Variants in PLXDC2 observed in about 807,000 individuals in gnomAD.
PLXDC2 encodes the protein plexin domain containing 2, also known as plexin domain-containing protein 2.
Under a neutral mutation model 68.9 loss-of-function variants are expected in PLXDC2, and 40 were observed. That is an observed-to-expected ratio of 0.58 (90% CI 0.45 to 0.76). The LOEUF (loss-of-function observed/expected upper bound fraction) is 0.76, where lower values mean the gene tolerates loss of function less well. Ranked by LOEUF, PLXDC2 falls within the 30% of genes least tolerant of loss-of-function variation. The pLI is 0.00. For missense variants in PLXDC2, 644 were observed against 661.9 expected (o/e 0.97, Z 0.30); for synonymous variants, 243 against 234.2 (o/e 1.04, Z -0.34).
At chr10:20,201,039 G>A (rs1205200060) in intron 9 of PLXDC2, among the ~76,000 whole-genome samples, 1 of 152,024 alleles carries the variant, frequency 6.6e-6, no homozygotes, top group Non-Finnish European at 1.5e-5. Context: ...CTGATGCAAA[G>A]GAAGGGAAAT....
At chr10:20,086,979 A>G (rs956165863) in intron 4 of PLXDC2, among the ~76,000 whole-genome samples, 1 of 152,240 alleles carries the variant, frequency 6.6e-6, no homozygotes, top group Non-Finnish European at 1.5e-5. Flanking sequence ...TATTTCTTCC[A>G]AATTTTAAAG....
intron 1 of PLXDC2, among the ~76,000 whole-genome samples, chr10:19,980,424 G>A (rs1011023989): frequency 1.3e-5 from 2 of 152,148 alleles, no homozygotes; most frequent in African/African-American, 4.8e-5. Context: ...AGACTGGGTG[G>A]CATAAACAAC....
intron 9 of PLXDC2, among the ~76,000 whole-genome samples, chr10:20,193,239 C>T (rs908416598): frequency 3.3e-5 from 5 of 151,948 alleles, no homozygotes; most frequent in Non-Finnish European, 7.4e-5. Flanking sequence ...GAATATTCAC[C>T]GTATCTGGCC....
At chr10:20,245,218 G>A (rs1835575890) in intron 12 of PLXDC2, 127 bp from the exon 13 acceptor site, 2 of 960,130 alleles carry the variant, frequency 2.1e-6, no homozygotes, top group African/African-American at 1.7e-5. Flanking sequence ...AATTGATGTT[G>A]CAGAAAAGTT....
chr10:19,880,312 C>T (rs1837704993), intron 1 of PLXDC2, among the ~76,000 whole-genome samples: 1 of 152,202 alleles, frequency 6.6e-6, no homozygotes, highest in Non-Finnish European at 1.5e-5. Context: ...CAGGGGATCC[C>T]TGAAAGCTCA....
rs1416621973 is a variant in PLXDC2, at chr10:20,217,570, A to G, written c.1267A>G (p.Thr423Ala). 1 of 1,512,716 alleles carries G rather than the reference A, an allele frequency of 6.6e-7. No individual in the cohort carries two copies. The highest frequency in any genetic ancestry group is 9.0e-7 in the Non-Finnish European group (1 of 1,114,506). 93.7% of individuals were successfully genotyped at this position (1,512,716 alleles called of 1,614,324 possible). A position where few individuals can be genotyped will look rare whatever the true frequency, so the allele number is the denominator to read the frequency against. The part of the protein sequence containing the change: ...VTSQFPTSLP[T>A]EDDTKIALHL... ...TTCTCAGTTTCCCACCAGCCTCCCTACAGAAGGTACCCAAGAGATAGTTTG... is the reference window on the plus strand; with the variant it reads ...TTCTCAGTTTCCCACCAGCCTCCCTGCAGAAGGTACCCAAGAGATAGTTTG... Residue 423 changes from threonine (T) to alanine (A), a missense_variant, in exon 11 of 14, where the codon ACA (threonine) becomes GCA (alanine). By Grantham distance (58) the Thr-to-Ala change is moderately conservative. Around this residue, in one of 3 missense-constraint regions of PLXDC2, gnomAD observed 330 missense variants for 327.9 expected, o/e 1.01. Transcript: ENST00000377252.
intron 9 of PLXDC2, among the ~76,000 whole-genome samples, chr10:20,180,527 T>C (rs896101957): frequency 6.6e-6 from 1 of 152,028 alleles, no homozygotes; most frequent in Admixed American, 6.6e-5. Context: ...AGGAGAAGTC[T>C]TATCCTAAGC....
chr10:20,037,538 C>T (rs1243581041), intron 2 of PLXDC2, among the ~76,000 whole-genome samples: 1 of 152,020 alleles, frequency 6.6e-6, no homozygotes, highest in African/African-American at 2.4e-5. Context: ...CTTTGGGGCT[C>T]ATTCTTGAAA....
intron 1 of PLXDC2, among the ~76,000 whole-genome samples, chr10:19,987,793 C>A (rs1410690133): frequency 6.6e-6 from 1 of 151,988 alleles, no homozygotes; most frequent in Non-Finnish European, 1.5e-5. Flanking sequence ...CTCGATCGAT[C>A]TCCCGACCTT....
chr10:19,871,237 G>A (rs1837528694), intron 1 of PLXDC2, among the ~76,000 whole-genome samples: 1 of 152,176 alleles, frequency 6.6e-6, no homozygotes, highest in South Asian at 2.1e-4. Context: ...ACCTCATGAA[G>A]AGAACTGTTC....
At chr10:19,876,173 G>C (rs764335921) in intron 1 of PLXDC2, among the ~76,000 whole-genome samples, 8 of 152,116 alleles carry the variant, frequency 5.3e-5, no homozygotes, top group Non-Finnish European at 1.0e-4. Context: ...AAAAAAATAG[G>C]TCAGGAGGAA....
intron 1 of PLXDC2, among the ~76,000 whole-genome samples, chr10:19,881,828 T>C (rs114023168): frequency 1.8e-3 from 274 of 152,338 alleles, no homozygotes; most frequent in African/African-American, 6.3e-3. Context: ...TTTTAAATGA[T>C]TGGGTCATGA....
At chr10:20,239,784 A>G (rs1835490963) in intron 12 of PLXDC2, among the ~76,000 whole-genome samples, 1 of 152,184 alleles carries the variant, frequency 6.6e-6, no homozygotes, top group African/African-American at 2.4e-5. Flanking sequence ...CCACATATGG[A>G]CATCTTAGTT....
intron 9 of PLXDC2, among the ~76,000 whole-genome samples, chr10:20,193,703 T>A (rs1282154684): frequency 6.6e-6 from 1 of 152,062 alleles, no homozygotes; most frequent in Non-Finnish European, 1.5e-5. Context: ...AAACTACAAG[T>A]CTAAGAGTGC....
At chr10:20,012,708 T>A (rs1672362071) in intron 2 of PLXDC2, among the ~76,000 whole-genome samples, 1 of 152,144 alleles carries the variant, frequency 6.6e-6, no homozygotes, top group African/African-American at 2.4e-5. Flanking sequence ...TTTGCTAACA[T>A]GTCACTCTAT....
chr10:20,103,736 G>A (rs575667863), intron 4 of PLXDC2, among the ~76,000 whole-genome samples: 1 of 151,870 alleles, frequency 6.6e-6, no homozygotes, highest in Admixed American at 6.6e-5. Context: ...CCACCTCCTG[G>A]GTTCAAGCAA....
At chr10:19,819,409 T>TA (rs1328257502) in intron 1 of PLXDC2, among the ~76,000 whole-genome samples, 1 of 152,044 alleles carries the variant, frequency 6.6e-6, no homozygotes, top group Non-Finnish European at 1.5e-5. Context: ...ACTGAATATA[T>TA]AAAAAAAGCA....
chr10:19,949,021 T>C (rs1833951804), intron 1 of PLXDC2, among the ~76,000 whole-genome samples: 1 of 149,136 alleles, frequency 6.7e-6, no homozygotes, highest in Non-Finnish European at 1.5e-5. Context: ...TCCCAGCTAC[T>C]TGAGAGACTG....
intron 1 of PLXDC2, among the ~76,000 whole-genome samples, chr10:19,926,024 G>A (rs1303495301): frequency 6.6e-6 from 1 of 152,204 alleles, no homozygotes; most frequent in Non-Finnish European, 1.5e-5. Flanking sequence ...ACCTCGGGGA[G>A]CTGAAGTTGA....
Sources: gnomAD v4.1 joint callset for allele counts (sites outside exome capture counted in the v4.1 genomes callset) on GRCh38, gnomAD v4.1.1 for gene constraint, gnomAD v4.1.1 regional missense constraint, MANE v1.5 for transcripts, NCBI Gene and HGNC (gene_info 2026-07-23, HGNC 2026-07-21) for gene names.